DCC: variants seen among roughly 807,000 people sequenced by gnomAD.
The protein encoded by DCC is netrin receptor DCC.
A neutral mutation model predicts 172.5 loss-of-function variants in DCC; 58 were observed. The ratio of observed to expected loss-of-function variants is 0.34; its 90% confidence interval spans 0.27 to 0.42. The LOEUF is 0.42. Among genes scored for constraint, DCC ranks in the 10% least tolerant of loss-of-function variants. The probability of loss-of-function intolerance (pLI) is 1.00; values close to 1 mark genes in which losing one functional copy is unlikely to be tolerated. For synonymous variants in DCC, 709 were observed against 644.5 expected, an observed-to-expected ratio of 1.10 and a Z score of -1.52; for missense variants, 1,740 against 1,791.0, an observed-to-expected ratio of 0.97 and a Z score of 0.51.
intron 27 of DCC, among the ~76,000 whole-genome samples, chr18:53,505,567 C>T (rs2046161898): frequency 6.6e-6 from 1 of 152,124 alleles, no homozygotes; most frequent in African/African-American, 2.4e-5. Context: ...AATATCGCAT[C>T]AAGAATTGTT....
chr18:52,878,578 ACT>A (rs1598891951), intron 2 of DCC, among the ~76,000 whole-genome samples: 2 of 152,260 alleles, frequency 1.3e-5, no homozygotes, highest in East Asian at 3.9e-4. Flanking sequence ...AATTATTATG[ACT>A]CTGAGACAAC....
intron 20 of DCC, among the ~76,000 whole-genome samples, chr18:53,411,130 T>TA (rs147205025): frequency 0.43 from 65,087 of 151,298 alleles, 15,762 homozygotes; most frequent in Non-Finnish European, 0.55. Flanking sequence ...GTAGAAACTA[T>TA]AAAAAAGTTG....
intron 5 of DCC, among the ~76,000 whole-genome samples, chr18:53,058,728 G>A (rs956977922): frequency 6.6e-6 from 1 of 152,126 alleles, no homozygotes; most frequent in Admixed American, 6.6e-5. Context: ...TAGCCTGATA[G>A]AGCCACTTCC....
chr18:53,429,580 A>C (rs1052471593), intron 21 of DCC, among the ~76,000 whole-genome samples: 3 of 152,064 alleles, frequency 2.0e-5, no homozygotes, highest in African/African-American at 7.2e-5. Flanking sequence ...GGAATTGCAA[A>C]AATACTACTA....
intron 2 of DCC, among the ~76,000 whole-genome samples, chr18:52,891,849 G>A (rs1365764805): frequency 6.6e-6 from 1 of 151,984 alleles, no homozygotes; most frequent in Non-Finnish European, 1.5e-5. Flanking sequence ...CTGCTGTTAA[G>A]TTTCTCTCTG....
At chr18:52,892,052 C>G (rs900239017) in intron 2 of DCC, among the ~76,000 whole-genome samples, 2 of 152,056 alleles carry the variant, frequency 1.3e-5, no homozygotes, top group South Asian at 4.1e-4. Flanking sequence ...AATTATCCAC[C>G]CTGCTTACAG....
At chr18:52,768,583 CTGTT>C (rs558338840) in intron 2 of DCC, among the ~76,000 whole-genome samples, 89 of 152,294 alleles carry the variant, frequency 5.8e-4, no homozygotes, top group East Asian at 3.5e-3. Context: ...AGTCCCCTGT[CTGTT>C]TATTTCAACA....
At chr18:52,721,361 C>A (rs1442684234) in intron 1 of DCC, among the ~76,000 whole-genome samples, 2 of 152,132 alleles carry the variant, frequency 1.3e-5, no homozygotes, top group Non-Finnish European at 1.5e-5. Context: ...TCAAAAAATT[C>A]TCAAAATAAT....
rs1238624 is a variant in DCC, at chr18:52,443,037, G to C, written c.91+102159G>C. On this transcript the variant is annotated intron_variant, in intron 1 of 28. Transcript: ENST00000442544. ...TTTTTTAGCAGAAGTTGAAAAATCAGAACTTCAGTGTAACAATGGTAATAA... is the reference window on the plus strand; with the variant it reads ...TTTTTTAGCAGAAGTTGAAAAATCACAACTTCAGTGTAACAATGGTAATAA... Among the ~76,000 whole-genome samples, 7 of 151,732 alleles carry C rather than the reference G, an allele frequency of 4.6e-5. 1 individual carries two copies. Among genetic ancestry groups the C allele is most frequent in the Admixed American group, 4.6e-4 (7 of 15,228 alleles).
At chr18:52,951,396 A>C (rs775301403) in intron 5 of DCC, among the ~76,000 whole-genome samples, 10 of 152,094 alleles carry the variant, frequency 6.6e-5, no homozygotes, top group Non-Finnish European at 8.8e-5. Context: ...TAAGCCCTGC[A>C]TGCATTAGAT....
intron 7 of DCC, among the ~76,000 whole-genome samples, chr18:53,120,383 TTTGTAA>T (rs1371227183): frequency 6.6e-6 from 1 of 151,728 alleles, no homozygotes; most frequent in Non-Finnish European, 1.5e-5. Flanking sequence ...TATTAGACAA[TTTGTAA>T]TTGGATAAGA....
intron 1 of DCC, among the ~76,000 whole-genome samples, chr18:52,653,054 T>C (rs1419563268): frequency 6.6e-6 from 1 of 152,206 alleles, no homozygotes; most frequent in African/African-American, 2.4e-5. Flanking sequence ...GTAGTCACTG[T>C]TGGGCTGACA....
chr18:52,466,092 G>T (rs1338840999), intron 1 of DCC, among the ~76,000 whole-genome samples: 2 of 152,280 alleles, frequency 1.3e-5, no homozygotes, highest in East Asian at 1.9e-4. Flanking sequence ...TATTCAGGTG[G>T]TTTCATAGTT....
At chr18:53,302,591 T>C in intron 12 of DCC, among the ~76,000 whole-genome samples, 1 of 152,218 alleles carries the variant, frequency 6.6e-6, no homozygotes, top group Non-Finnish European at 1.5e-5. Context: ...CTGGAACACA[T>C]CTTTCATTAG....
intron 1 of DCC, among the ~76,000 whole-genome samples, chr18:52,656,703 T>C (rs1735902429): frequency 6.6e-6 from 1 of 152,192 alleles, no homozygotes; most frequent in Non-Finnish European, 1.5e-5. Flanking sequence ...GATCATAGTG[T>C]AGAGCACTCC....
chr18:52,618,651 T>C (rs2034426281), intron 1 of DCC, among the ~76,000 whole-genome samples: 1 of 152,218 alleles, frequency 6.6e-6, no homozygotes, highest in African/African-American at 2.4e-5. Flanking sequence ...AAACAATGTT[T>C]AATCTCTTAG....
intron 22 of DCC, 135 bp from the exon 23 acceptor site, chr18:53,450,365 C>A: frequency 2.3e-6 from 2 of 852,964 alleles, no homozygotes; most frequent in Non-Finnish European, 1.9e-6. Flanking sequence ...TTCATTGCTT[C>A]CCTCGAACTC....
At chr18:53,378,451 T>C (rs1907471182) in intron 15 of DCC, among the ~76,000 whole-genome samples, 1 of 152,186 alleles carries the variant, frequency 6.6e-6, no homozygotes, top group African/African-American at 2.4e-5. Flanking sequence ...AGATTGAATG[T>C]GAATATGCAA....
At chr18:53,184,833 A>G in intron 9 of DCC, among the ~76,000 whole-genome samples, 1 of 152,168 alleles carries the variant, frequency 6.6e-6, no homozygotes, top group Non-Finnish European at 1.5e-5. Flanking sequence ...GATACAAAAT[A>G]TCAGTTATAT....
Sources: allele counts gnomAD v4.1 joint callset (sites outside exome capture counted in the v4.1 genomes callset), GRCh38; gene constraint gnomAD v4.1.1; transcripts MANE v1.5; gene names NCBI Gene and HGNC (gene_info 2026-07-23, HGNC 2026-07-21).